The following ST3GAL5 variants were observed in gnomAD, a reference collection of about 807,000 sequenced individuals.
ST3GAL5 encodes lactosylceramide alpha-2,3-sialyltransferase.
A neutral mutation model predicts 46.1 loss-of-function variants in ST3GAL5; 25 were observed. That is an observed-to-expected ratio of 0.54 (90% confidence interval 0.40 to 0.76). The LOEUF is 0.76. Ranked by LOEUF, ST3GAL5 falls within the 30% of genes least tolerant of loss-of-function variation. The pLI is 0.00. For synonymous variants in ST3GAL5, 182 were observed against 192.7 expected, an observed-to-expected ratio of 0.94 and a Z score of 0.46; for missense variants, 431 against 521.2, an observed-to-expected ratio of 0.83 and a Z score of 1.69.
Position 85,880,844 on chromosome 2 carries a change from C to T in ST3GAL5, c.82+7980G>A, listed in dbSNP as rs1178396265. 5.9e-6 allele frequency: 3 copies of T among 509,920 alleles called. 1 individual carries two copies. Among genetic ancestry groups the T allele is most frequent in the South Asian group, 4.4e-5 (3 of 68,746 alleles). The allele number at this position is 509,920 out of a possible 1,614,324, so 31.6% of individuals were successfully genotyped here. On this transcript the variant is annotated intron_variant, in intron 1 of 6. Coordinates refer to ENST00000638572, the MANE Select transcript of ST3GAL5 (RefSeq NM_003896.4). ...GTCTAAAAAGAAAAAAAAAAACTCTCATAATCTCATTTTAAAAAATAGACA... is the reference window on the plus strand; with the variant it reads ...GTCTAAAAAGAAAAAAAAAAACTCTTATAATCTCATTTTAAAAAATAGACA...
intron 1 of ST3GAL5, among the ~76,000 whole-genome samples, chr2:85,883,539 G>A (rs533562762): frequency 7.7e-4 from 118 of 152,310 alleles, no homozygotes; most frequent in African/African-American, 2.8e-3. Context: ...AGGAAAGAAC[G>A]TTTCTGCCCA....
intron 6 of ST3GAL5, 24 bp downstream of exon 6, chr2:85,844,372 A>C: frequency 6.2e-7 from 1 of 1,614,170 alleles, no homozygotes; most frequent in Non-Finnish European, 8.5e-7. Flanking sequence ...GGGAATGATT[A>C]ACTTTGAGTA....
At chr2:85,869,948 GCA>G in intron 1 of ST3GAL5, 2 of 315,426 alleles carry the variant, frequency 6.3e-6, no homozygotes, top group Non-Finnish European at 1.3e-5. Context: ...TGGTGAGCGC[GCA>G]CACACACGCA....
chr2:85,865,609 T>C (rs1264272528), intron 1 of ST3GAL5, among the ~76,000 whole-genome samples: 1 of 152,172 alleles, frequency 6.6e-6, no homozygotes, highest in African/African-American at 2.4e-5. Flanking sequence ...AGCCAAGTGG[T>C]GGGAATCAGC....
upstream of ST3GAL5, chr2:85,889,020 GA>G (rs1266136417): frequency 1.1e-5 from 8 of 752,310 alleles, no homozygotes; most frequent in Non-Finnish European, 1.1e-5. Context: ...CTCAGATGCG[GA>G]GGAGGGGCGC....
At chr2:85,848,872 A>G (rs1683138115) in intron 3 of ST3GAL5, 2 of 158,322 alleles carry the variant, frequency 1.3e-5, no homozygotes, top group Admixed American at 1.2e-4. Flanking sequence ...AAAAGGTTTC[A>G]TATATCAGGT....
At chr2:85,842,313 A>G (rs1269394688) in intron 6 of ST3GAL5, among the ~76,000 whole-genome samples, 2 of 152,248 alleles carry the variant, frequency 1.3e-5, no homozygotes, top group Non-Finnish European at 2.9e-5. Flanking sequence ...CCCAGTGACC[A>G]TCTTGTCACA....
intron 2 of ST3GAL5, among the ~76,000 whole-genome samples, chr2:85,862,741 TA>T (rs1684861623): frequency 6.6e-6 from 1 of 152,206 alleles, no homozygotes. Context: ...CTTATTCTTA[TA>T]AATTTCCTTT....
At chr2:85,844,615 C>A in intron 5 of ST3GAL5, 61 bp from the exon 6 acceptor site, 1 of 1,607,918 alleles carries the variant, frequency 6.2e-7, no homozygotes, top group South Asian at 1.1e-5. Context: ...AAAGCATTCC[C>A]ACTCATCAGA....
intron 1 of ST3GAL5, among the ~76,000 whole-genome samples, chr2:85,885,373 TG>T (rs934778417): frequency 6.6e-6 from 1 of 152,100 alleles, no homozygotes; most frequent in African/African-American, 2.4e-5. Flanking sequence ...CCTGACCCAC[TG>T]GGAGACTGGG....
intron 4 of ST3GAL5, 34 bp downstream of exon 4, chr2:85,847,827 T>A: frequency 1.2e-6 from 2 of 1,609,742 alleles, no homozygotes; most frequent in Middle Eastern, 1.7e-4. Flanking sequence ...ACAATAAAAA[T>A]AAGTAAACAA....
intron 4 of ST3GAL5, chr2:85,847,456 T>C (rs79119171): frequency 9.9e-7 from 1 of 1,011,346 alleles, no homozygotes; most frequent in African/African-American, 1.7e-5. Flanking sequence ...TGTGTTTTTG[T>C]TTCAACTTCT....
rs1398874057 is a variant in ST3GAL5 at position 85,840,921 on chromosome 2, C to A, written c.1009-529G>T. ...ATCGAGCCACTGCACTCCACCCTGG[C>A]GACAGAGCAAGACTCTGTCTCAAAA... On this transcript the variant is annotated intron_variant, in intron 6 of 6. Transcript: ENST00000638572. Among the ~76,000 whole-genome samples the A allele has an allele frequency of 2.6e-5, 3 of 113,388 alleles. 1 individual carries two copies. Among genetic ancestry groups the A allele is most frequent in the South Asian group, 6.2e-4 (2 of 3,212 alleles). The allele number at this position is 113,388 out of a possible 152,430, so 74.4% of individuals were successfully genotyped here.
At position 85,853,256 on chromosome 2, in the gene ST3GAL5, C is replaced by T. The variant is rs140296015; in HGVS notation, c.319-5052G>A. ...AGTGTCCAGGCATCCCTTCAGAGCC[C>T]ACTGGTAGTCTTTTTAACAACTGGC... On this transcript the variant is annotated intron_variant, in intron 3 of 6. Transcript: ENST00000638572. The T allele has an allele frequency of 2.8e-4, 100 of 362,318 alleles. 1 individual carries two copies. Among genetic ancestry groups the T allele is most frequent in the African/African-American group, 1.9e-3 (88 of 46,968 alleles). The allele number at this position is 362,318 out of a possible 1,614,324, so 22.4% of individuals were successfully genotyped here. A position where few individuals can be genotyped will look rare whatever the true frequency, so the allele number is the denominator to read the frequency against.
chr2:85,848,166 T>A lies in ST3GAL5; in HGVS notation c.357A>T (p.Glu119Asp). 6.2e-7 allele frequency: 1 copy of A among 1,614,226 alleles called. No homozygotes were observed. Among genetic ancestry groups the A allele is most frequent in the East Asian group, 2.2e-5 (1 of 44,886 alleles). Residue 119 changes from glutamate (E) to aspartate (D), a missense_variant, in exon 4 of 7, where the codon GAA (glutamate) becomes GAT (aspartate). Transcript: ENST00000638572. ...ATGTCTTGGCAAACTTGGGACGACA[T>A]TCCTTCTGCAAGACTTGCTGAGCAT... Reference protein sequence around the residue: ...QKYAQQVLQKECRPKFAKTSM... With the variant: ...QKYAQQVLQKDCRPKFAKTSM...
intron 1 of ST3GAL5, among the ~76,000 whole-genome samples, chr2:85,883,598 G>A (rs1687432854): frequency 6.6e-6 from 1 of 152,200 alleles, no homozygotes; most frequent in African/African-American, 2.4e-5. Context: ...TGCCTCGGGA[G>A]CAGGGACAGT....
chr2:85,851,866 C>T (rs1172308516), intron 3 of ST3GAL5, among the ~76,000 whole-genome samples: 1 of 152,180 alleles, frequency 6.6e-6, no homozygotes. Context: ...AACTCCCGTT[C>T]GTCTTATATC....
rs756225255 is a variant in ST3GAL5 at position 85,861,253 on chromosome 2, G to T, written c.246C>A (p.Ile82=). Residue 82 remains isoleucine, a synonymous_variant, in exon 3 of 7, where the codon ATC becomes ATA. Transcript: ENST00000638572. ...CTTCAGTAGTATAATTTAACTTGAG[G>T]ATATAAAGGATCCACACTCCAAACA... The part of the protein sequence containing the change: ...LLVFGVWILY[I]LKLNYTTEEC... The T allele has an allele frequency of 1.7e-5, 28 of 1,613,356 alleles. No individual in the cohort carries two copies. Among genetic ancestry groups the T allele is most frequent in the Non-Finnish European group, 2.4e-5 (28 of 1,179,608 alleles).
chr2:85,852,606 G>C (rs978975976), intron 3 of ST3GAL5, among the ~76,000 whole-genome samples: 1 of 152,116 alleles, frequency 6.6e-6, no homozygotes, highest in Non-Finnish European at 1.5e-5. Context: ...GAGGGGCTCC[G>C]GGGAACTCGC....
Sources: gnomAD v4.1 joint callset for allele counts (sites outside exome capture counted in the v4.1 genomes callset) on GRCh38, gnomAD v4.1.1 for gene constraint, MANE v1.5 for transcripts, NCBI Gene and HGNC (gene_info 2026-07-23, HGNC 2026-07-21) for gene names.